Variants in CDKAL1 observed in about 807,000 individuals in gnomAD.
The protein encoded by CDKAL1 is CDKAL1 threonylcarbamoyladenosine tRNA methylthiotransferase.
CDKAL1 carries 32 observed loss-of-function variants against 68.2 expected under a neutral mutation model. The observed-to-expected ratio is 0.47, with a 90% confidence interval of 0.35 to 0.63. CDKAL1 has a LOEUF of 0.63. Among genes scored for constraint, CDKAL1 ranks in the 30% least tolerant of loss-of-function variants. The pLI, the probability that CDKAL1 is intolerant of heterozygous loss-of-function variation, is 0.00. For missense variants in CDKAL1, 606 were observed against 696.7 expected (o/e 0.87, Z 1.47); for synonymous variants, 234 against 244.3 (o/e 0.96, Z 0.39).
At chr6:20,829,381 C>G (rs746509217) in intron 8 of CDKAL1, among the ~76,000 whole-genome samples, 2 of 152,198 alleles carry the variant, frequency 1.3e-5, no homozygotes, top group Non-Finnish European at 2.9e-5. Context: ...CATTAAACCT[C>G]AGAGTGAACT....
At chr6:21,185,331 T>C (rs1197578750) in intron 13 of CDKAL1, among the ~76,000 whole-genome samples, 1 of 152,180 alleles carries the variant, frequency 6.6e-6, no homozygotes, top group Non-Finnish European at 1.5e-5. Flanking sequence ...ACTGTGTCCT[T>C]TCTCTCACCT....
chr6:20,695,310 C>T (rs1364559272), intron 5 of CDKAL1, among the ~76,000 whole-genome samples: 1 of 152,140 alleles, frequency 6.6e-6, no homozygotes. Flanking sequence ...GGTCCATCAG[C>T]CACTGATAGT....
Position 20,897,160 on chromosome 6 carries a change from C to T in CDKAL1, c.742+50982C>T, listed in dbSNP as rs183904875. Among the ~76,000 whole-genome samples, 32 of 152,236 alleles carry T rather than the reference C, an allele frequency of 2.1e-4. No individual in the cohort carries two copies. The East Asian group carries it at 6.0e-3, about 28-fold the overall frequency. On this transcript the variant is annotated intron_variant, in intron 9 of 15. Coordinates refer to ENST00000274695, the MANE Select transcript of CDKAL1 (RefSeq NM_017774.3). ...GAAGGGGTGAACAAGCTTTCTTGGG[C>T]TTCTTTTATAAGGACACTAGTCCCA... is the stretch of plus-strand genomic sequence containing the variant.
In CDKAL1 at chr6:20,725,560, G is replaced by C. The variant is rs377420669; in HGVS notation, c.372-13959G>C. Reference sequence around the variant, plus strand: ...AGCACTGTGGGAGGCTGAGGCAGGCGGATCACCTGAGGTCAGGAGTTCAAG... The same window carrying C: ...AGCACTGTGGGAGGCTGAGGCAGGCCGATCACCTGAGGTCAGGAGTTCAAG... On this transcript the variant is annotated intron_variant, in intron 5 of 15. Coordinates refer to ENST00000274695, the MANE Select transcript of CDKAL1 (RefSeq NM_017774.3). Among the ~76,000 whole-genome samples, 327 of 152,228 alleles carry C rather than the reference G, an allele frequency of 2.1e-3. 3 individuals carry two copies. Among genetic ancestry groups the C allele is most frequent in the African/African-American group, 7.5e-3 (311 of 41,540 alleles).
intron 13 of CDKAL1, among the ~76,000 whole-genome samples, chr6:21,158,654 C>T (rs1776756494): frequency 6.6e-6 from 1 of 152,176 alleles, no homozygotes; most frequent in South Asian, 2.1e-4. Context: ...TCTTTTGAGA[C>T]CTGTGTAACC....
chr6:20,877,629 T>G (rs1760591327), intron 9 of CDKAL1, among the ~76,000 whole-genome samples: 2 of 152,220 alleles, frequency 1.3e-5, no homozygotes, highest in Admixed American at 6.5e-5. Context: ...AGAAAACTTG[T>G]TTGTGACCCG....
At chr6:20,826,115 T>C (rs1023027248) in intron 8 of CDKAL1, among the ~76,000 whole-genome samples, 4 of 152,116 alleles carry the variant, frequency 2.6e-5, no homozygotes, top group Non-Finnish European at 4.4e-5. Context: ...CTTTTCTCCT[T>C]TGTAGGGGAA....
chr6:21,020,071 C>T (rs1015413596), intron 11 of CDKAL1, among the ~76,000 whole-genome samples: 3 of 152,038 alleles, frequency 2.0e-5, no homozygotes, highest in Admixed American at 6.6e-5. Flanking sequence ...TTTTCTGTCT[C>T]CCCTTTTTCT....
chr6:20,933,470 T>C (rs963828952), intron 9 of CDKAL1, among the ~76,000 whole-genome samples: 1 of 152,262 alleles, frequency 6.6e-6, no homozygotes, highest in South Asian at 2.1e-4. Flanking sequence ...CCTCTGCAAC[T>C]GCAACTTTAG....
chr6:20,767,834 G>A (rs1774767539), intron 7 of CDKAL1, among the ~76,000 whole-genome samples: 1 of 152,110 alleles, frequency 6.6e-6, no homozygotes, highest in Non-Finnish European at 1.5e-5. Context: ...CAGAGATGTA[G>A]CAATTACTTT....
chr6:20,601,802 G>T (rs933643520), intron 4 of CDKAL1, among the ~76,000 whole-genome samples: 1 of 152,102 alleles, frequency 6.6e-6, no homozygotes, highest in Non-Finnish European at 1.5e-5. Flanking sequence ...TGAAGCCATT[G>T]AATGAGTTAC....
Position 20,602,974 on chromosome 6 carries a change from C to G in CDKAL1, c.287-46319C>G, listed in dbSNP as rs187299461. On this transcript the variant is annotated intron_variant, in intron 4 of 15. Transcript: ENST00000274695. ...TGATTAGGACTCTAGTCCTGTCATACTGATTAAATCTCAGAAGGGTATAGA... is the reference window on the plus strand; with the variant it reads ...TGATTAGGACTCTAGTCCTGTCATAGTGATTAAATCTCAGAAGGGTATAGA... Among the ~76,000 whole-genome samples the G allele has an allele frequency of 2.6e-3, 391 of 152,296 alleles. 1 individual carries two copies. Among genetic ancestry groups the G allele is most frequent in the African/African-American group, 8.7e-3 (362 of 41,562 alleles).
chr6:20,765,606 G>A (rs1374599182), intron 7 of CDKAL1, among the ~76,000 whole-genome samples: 2 of 152,078 alleles, frequency 1.3e-5, no homozygotes, highest in Non-Finnish European at 2.9e-5. Flanking sequence ...TGAACTCCTT[G>A]TTATTCATTC....
intron 13 of CDKAL1, among the ~76,000 whole-genome samples, chr6:21,172,667 G>A (rs866656845): frequency 1.3e-5 from 2 of 152,128 alleles, no homozygotes; most frequent in African/African-American, 2.4e-5. Context: ...TGAGGGGGGA[G>A]GATCGCTTCA....
intron 9 of CDKAL1, among the ~76,000 whole-genome samples, chr6:20,915,907 T>C (rs1561882025): frequency 6.6e-6 from 1 of 152,058 alleles, no homozygotes; most frequent in Admixed American, 6.5e-5. Context: ...AGCAACTTAA[T>C]TGGATCTCAA....
chr6:20,838,424 C>G (rs1477522002), intron 8 of CDKAL1, among the ~76,000 whole-genome samples: 1 of 152,056 alleles, frequency 6.6e-6, no homozygotes, highest in African/African-American at 2.4e-5. Flanking sequence ...CTACTGCTGT[C>G]TTTGGAAAGT....
At chr6:21,018,404 A>G (rs1399593566) in intron 11 of CDKAL1, among the ~76,000 whole-genome samples, 3 of 152,210 alleles carry the variant, frequency 2.0e-5, no homozygotes, top group Non-Finnish European at 4.4e-5. Context: ...GTGAAAATGA[A>G]CTAATTAGGT....
intron 11 of CDKAL1, among the ~76,000 whole-genome samples, chr6:21,026,088 T>C (rs1768939583): frequency 6.6e-6 from 1 of 152,172 alleles, no homozygotes; most frequent in African/African-American, 2.4e-5. Context: ...TTGTTTTCAG[T>C]TTCTAACTAT....
intron 11 of CDKAL1, among the ~76,000 whole-genome samples, chr6:21,060,139 A>C (rs956040494): frequency 2.0e-5 from 3 of 152,198 alleles, no homozygotes; most frequent in Non-Finnish European, 2.9e-5. Context: ...GTTTGGTAGA[A>C]TTCACCATGA....
Sources: allele counts gnomAD v4.1 joint callset (sites outside exome capture counted in the v4.1 genomes callset), GRCh38; gene constraint gnomAD v4.1.1; transcripts MANE v1.5; gene names NCBI Gene and HGNC (gene_info 2026-07-23, HGNC 2026-07-21).